The following ZNF326 variants were observed in gnomAD, a reference collection of about 807,000 sequenced individuals.
ZNF326 encodes DBIRD complex subunit ZNF326.
ZNF326 carries 30 observed loss-of-function variants against 63.1 expected under a neutral mutation model. That is an observed-to-expected ratio of 0.48 (90% confidence interval 0.36 to 0.64). The LOEUF is 0.64. Among genes scored for constraint, ZNF326 ranks in the 30% least tolerant of loss-of-function variants. ZNF326 has a pLI of 0.00. For missense variants in ZNF326, 609 were observed against 720.3 expected, an observed-to-expected ratio of 0.85 and a Z score of 1.77; for synonymous variants, 194 against 228.2, an observed-to-expected ratio of 0.85 and a Z score of 1.35.
rs1222148644 is a variant in ZNF326 at position 90,033,896 on chromosome 1, TA to T, written c.*6198del. 2.7e-5 allele frequency: 4 copies of T among 150,582 alleles called. No individual in the cohort carries two copies. Among genetic ancestry groups the T allele is most frequent in the Non-Finnish European group, 5.9e-5 (4 of 67,656 alleles). The allele number at this position is 150,582 out of a possible 1,614,324, so 9.3% of individuals were successfully genotyped here. ...GAATGTATGTATGTATGTTACAGTA[TA>T]AATATATAGAGGAGTTCCAGAAAGT... On this transcript the variant is annotated 3_prime_UTR_variant, in exon 12 of 12. Coordinates refer to ENST00000340281, the MANE Select transcript of ZNF326 (RefSeq NM_182976.4).
At chr1:89,996,987 A>G (rs1286858678) in intron 1 of ZNF326, among the ~76,000 whole-genome samples, 1 of 152,252 alleles carries the variant, frequency 6.6e-6, no homozygotes, top group East Asian at 1.9e-4. Flanking sequence ...CAATAATAAA[A>G]TGTAGTATGT....
At chr1:90,001,030 G>T (rs1157449282) in intron 2 of ZNF326, among the ~76,000 whole-genome samples, 1 of 152,158 alleles carries the variant, frequency 6.6e-6, no homozygotes, top group South Asian at 2.1e-4. Flanking sequence ...ATCATGTAGG[G>T]CAGGGTTTCT....
chr1:90,010,306 T>C lies in ZNF326; in HGVS notation c.814+20T>C. On this transcript the variant is annotated intron_variant, in intron 6 of 11. Transcript: ENST00000340281. ...CACCCAGTAAGTAAGAAAACATAAT[T>C]GCTATGATTCAGGATACTTTTTATT... 1.2e-6 allele frequency: 2 copies of C among 1,607,808 alleles called. No individual in the cohort carries two copies. Among genetic ancestry groups the C allele is most frequent in the Non-Finnish European group, 1.7e-6 (2 of 1,176,956 alleles).
chr1:90,027,588 G>C lies in ZNF326; in HGVS notation c.1636G>C (p.Val546Leu). 6.2e-7 allele frequency: 1 copy of C among 1,611,220 alleles called. No individual in the cohort carries two copies. Among genetic ancestry groups the C allele is most frequent in the Non-Finnish European group, 8.5e-7 (1 of 1,178,418 alleles). The change falls in exon 12 of 12, where the codon GTA becomes CTA. Residue 546 changes from valine (V) to leucine (L), a missense_variant. Val to Leu is a conservative substitution (Grantham distance 32). Around this residue, in one of 3 missense-constraint regions of ZNF326, gnomAD observed 399 missense variants for 444.3 expected, o/e 0.90. Coordinates refer to ENST00000340281, the MANE Select transcript of ZNF326 (RefSeq NM_182976.4). ...AGTAGGGGAAGGAGGGGAAGTAGGG[G>C]TAGTGGGAGAAGTAGAGGGAGTGGG... ...QGVGEGGEVG[V>L]VGEVEGVGEV...
chr1:90,006,865 G>T (rs1649016729), intron 4 of ZNF326, among the ~76,000 whole-genome samples: 1 of 152,144 alleles, frequency 6.6e-6, no homozygotes, highest in African/African-American at 2.4e-5. Context: ...TATTGGGAGT[G>T]CAAAAGGATC....
At chr1:89,998,807 CAT>C (rs1399454568) in intron 2 of ZNF326, among the ~76,000 whole-genome samples, 2 of 152,098 alleles carry the variant, frequency 1.3e-5, no homozygotes, top group African/African-American at 2.4e-5. Context: ...GGTTAAAAAA[CAT>C]ATGAAGGACT....
At chr1:89,997,056 A>C (rs1248251787) in intron 1 of ZNF326, among the ~76,000 whole-genome samples, 1 of 152,242 alleles carries the variant, frequency 6.6e-6, no homozygotes, top group Non-Finnish European at 1.5e-5. Flanking sequence ...TAGAAATTCT[A>C]AACAATATTA....
At chr1:90,010,414 C>A in intron 6 of ZNF326, 128 bp downstream of exon 6, 1 of 957,126 alleles carries the variant, frequency 1.0e-6, no homozygotes, top group Non-Finnish European at 1.5e-6. Flanking sequence ...GAAGTTAGAT[C>A]TGTAAATCCC....
intron 6 of ZNF326, among the ~76,000 whole-genome samples, chr1:90,012,022 A>G (rs1185046184): frequency 3.3e-5 from 5 of 152,026 alleles, no homozygotes; most frequent in Non-Finnish European, 7.4e-5. Context: ...TCTTGAGTAG[A>G]GATGGTTTCG....
intron 11 of ZNF326, among the ~76,000 whole-genome samples, chr1:90,026,283 A>G (rs1340011596): frequency 6.6e-6 from 1 of 151,966 alleles, no homozygotes; most frequent in East Asian, 1.9e-4. Context: ...GCTCCCATGT[A>G]TAGTGTAGGC....
intron 11 of ZNF326, among the ~76,000 whole-genome samples, chr1:90,026,750 T>C (rs1650031561): frequency 6.6e-6 from 1 of 152,228 alleles, no homozygotes; most frequent in Admixed American, 6.5e-5. Flanking sequence ...CCTTCACTGT[T>C]ACTTCATTTC....
rs896896824 is a variant in ZNF326, at chr1:90,018,205, T to C, written c.1075-480T>C. The stretch of plus-strand genomic sequence containing the variant: ...TACTTGGGAGGCTGAGGCAGGAGAA[T>C]TGCTTAAACCCGGGAGGCAGAGGTT... On this transcript the variant is annotated intron_variant, in intron 8 of 11. Coordinates refer to ENST00000340281, the MANE Select transcript of ZNF326 (RefSeq NM_182976.4). 2.6e-5 allele frequency among the ~76,000 whole-genome samples: 4 copies of C among 151,768 alleles called. No individual in the cohort carries two copies. The South Asian group carries it at 8.3e-4, about 32-fold the overall frequency.
At chr1:90,019,447 A>G (rs1649658727) in intron 9 of ZNF326, among the ~76,000 whole-genome samples, 1 of 152,162 alleles carries the variant, frequency 6.6e-6, no homozygotes, top group African/African-American at 2.4e-5. Context: ...CTTTGGAATC[A>G]TTATCTTCCG....
chr1:90,027,531 G>A lies in ZNF326; in HGVS notation c.1579G>A (p.Gly527Arg). 6.2e-7 allele frequency: 1 copy of A among 1,610,952 alleles called. No individual in the cohort carries two copies. The highest frequency in any genetic ancestry group is 8.5e-7 in the Non-Finnish European group (1 of 1,178,356). The part of the protein sequence containing the change: ...EVEEVEEVRE[G>R]GIEGEGNIQG... ...GGAAGAAGTAGAGGAAGTGAGAGAA[G>A]GAGGAATAGAGGGCGAGGGAAATAT... is the stretch of plus-strand genomic sequence containing the variant. The change falls in exon 12 of 12, where the codon GGA becomes AGA. Residue 527 changes from glycine to arginine, a missense_variant. Around this residue, in one of 3 missense-constraint regions of ZNF326, gnomAD observed 399 missense variants for 444.3 expected, o/e 0.90. Transcript: ENST00000340281.
chr1:90,012,953 T>G (rs1179362133), intron 6 of ZNF326, among the ~76,000 whole-genome samples, 173 bp from the exon 7 acceptor site: 1 of 152,208 alleles, frequency 6.6e-6, no homozygotes, highest in African/African-American at 2.4e-5. Flanking sequence ...GAAGTTCATT[T>G]AGTGAAGTTT....
Position 90,005,260 on chromosome 1 carries a change from A to G in ZNF326, c.209+16A>G, listed in dbSNP as rs1423549450. The G allele has an allele frequency of 1.2e-6, 2 of 1,603,300 alleles. No homozygotes were observed. The highest frequency in any genetic ancestry group is 2.2e-5 in the East Asian group (1 of 44,818). ...GGGGTAGCAGGTAAATTGCTTAATC[A>G]TTTGGCCAAATAATTAGACAACTAT... is the stretch of plus-strand genomic sequence containing the variant. On this transcript the variant is annotated intron_variant, in intron 4 of 11. Transcript: ENST00000340281.
rs958214086 is a variant in ZNF326, at chr1:90,035,379, A to G, written c.*7678A>G. The G allele has an allele frequency of 7.9e-5, 12 of 152,232 alleles. No homozygotes were observed. Among genetic ancestry groups the G allele is most frequent in the African/African-American group, 2.9e-4 (12 of 41,468 alleles). The allele number at this position is 152,232 out of a possible 1,614,324, so 9.4% of individuals were successfully genotyped here. A position where few individuals can be genotyped will look rare whatever the true frequency, so the allele number is the denominator to read the frequency against. On this transcript the variant is annotated 3_prime_UTR_variant, in exon 12 of 12. Coordinates refer to ENST00000340281, the MANE Select transcript of ZNF326 (RefSeq NM_182976.4). ...TATATAGAAAATCTGTATATAGAAT[A>G]TAGCATTGGCCAATTGGAAATGTAA...
chr1:89,998,457 TG>T (rs1648511116), intron 2 of ZNF326, among the ~76,000 whole-genome samples: 1 of 152,182 alleles, frequency 6.6e-6, no homozygotes, highest in African/African-American at 2.4e-5. Flanking sequence ...TGAGTTATTT[TG>T]GTTGAATTAG....
In ZNF326 at chr1:90,016,436, C is replaced by T. The variant is rs80030069; in HGVS notation, c.927-881C>T. 2.0e-5 allele frequency among the ~76,000 whole-genome samples: 3 copies of T among 152,226 alleles called. No individual in the cohort carries two copies. In the East Asian group the frequency reaches 5.8e-4, roughly 29 times the overall value. On this transcript the variant is annotated intron_variant, in intron 7 of 11. Coordinates refer to ENST00000340281, the MANE Select transcript of ZNF326 (RefSeq NM_182976.4). Reference sequence around the variant, plus strand: ...ATAATGTAAAATAGAAACAGTTATTCTGGTCACGGTGGCTCACACTTGTAA... The same window carrying T: ...ATAATGTAAAATAGAAACAGTTATTTTGGTCACGGTGGCTCACACTTGTAA...
Sources: gnomAD v4.1 joint callset for allele counts (sites outside exome capture counted in the v4.1 genomes callset) on GRCh38, gnomAD v4.1.1 for gene constraint, gnomAD v4.1.1 regional missense constraint, MANE v1.5 for transcripts, NCBI Gene and HGNC (gene_info 2026-07-23, HGNC 2026-07-21) for gene names.